PRSS48: variants seen among roughly 807,000 people sequenced by gnomAD.
The protein encoded by PRSS48 is serine protease 48, also known as epidermis-specific serine protease-like protein.
Under a neutral mutation model 25.6 loss-of-function variants are expected in PRSS48, and 21 were observed. The ratio of observed to expected loss-of-function variants is 0.82; its 90% CI spans 0.58 to 1.18. PRSS48 has a LOEUF of 1.18. Among genes scored for constraint, PRSS48 ranks in the 50% most tolerant of loss-of-function variants. PRSS48 has a pLI of 0.00. For missense variants in PRSS48, 373 were observed against 399.3 expected (o/e 0.93, Z 0.56); for synonymous variants, 150 against 149.3 (o/e 1.00, Z -0.04).
At chr4:151,277,910 G>A (rs1289848996) in intron 1 of PRSS48, among the ~76,000 whole-genome samples, 6 of 152,074 alleles carry the variant, frequency 3.9e-5, no homozygotes, top group South Asian at 2.1e-4. Flanking sequence ...GCGTGGTGGC[G>A]GGCACCTGTA....
chr4:151,285,436 AG>A (rs1308105158), intron 4 of PRSS48, among the ~76,000 whole-genome samples: 1 of 152,250 alleles, frequency 6.6e-6, no homozygotes, highest in African/African-American at 2.4e-5. Context: ...TGAAATTAGA[AG>A]TAAATAAGAG....
At position 151,287,107 on chromosome 4, in the gene PRSS48, G is replaced by A. The variant is rs576411100; in HGVS notation, c.651+3821G>A. On this transcript the variant is annotated intron_variant, in intron 4 of 4. Transcript: ENST00000455694. ...TGTAATCCCAGCACTTTGGGAGGCC[G>A]AGGCAGGCAGATCACCTGATGTCAG... is the stretch of plus-strand genomic sequence containing the variant. Among the ~76,000 whole-genome samples, 63 of 151,456 alleles carry A rather than the reference G, an allele frequency of 4.2e-4. 1 individual carries two copies. Among genetic ancestry groups the A allele is most frequent in the Non-Finnish European group, 8.8e-4 (60 of 67,838 alleles).
rs776518065 is a variant in PRSS48, at chr4:151,279,929, GAT to G, written c.188_189del (p.Ile63ThrfsTer27). ...GAGGTTCCCTCGTCAGTGAGAGGTT[GAT>G]ACTGACAGCAGCACACTGCATACAA... On this transcript the variant is annotated frameshift_variant, in exon 2 of 5. Transcript: ENST00000455694. LOFTEE classifies it high-confidence loss of function. 1.8e-5 allele frequency: 29 copies of G among 1,613,444 alleles called. No homozygotes were observed. In the East Asian group the frequency reaches 6.2e-4, roughly 35 times the overall value.
At chr4:151,279,238 C>CG in intron 1 of PRSS48, 1 of 200,776 alleles carries the variant, frequency 5.0e-6, no homozygotes, top group Non-Finnish European at 1.0e-5. Flanking sequence ...TTTTCTTTTT[C>CG]AATTTTTTTT....
chr4:151,286,112 T>TC (rs1179296969), intron 4 of PRSS48, among the ~76,000 whole-genome samples: 1 of 141,924 alleles, frequency 7.0e-6, no homozygotes, highest in African/African-American at 2.6e-5. Context: ...GCCCAGGAGT[T>TC]CAAGGCTGCA....
intron 2 of PRSS48, among the ~76,000 whole-genome samples, chr4:151,281,107 C>CA (rs1413923762): frequency 1.4e-5 from 2 of 138,530 alleles, no homozygotes; most frequent in East Asian, 4.2e-4. Context: ...AAGAAAGTGC[C>CA]AAGATGATGG....
At chr4:151,278,035 C>T (rs1381974295) in intron 1 of PRSS48, among the ~76,000 whole-genome samples, 5 of 151,282 alleles carry the variant, frequency 3.3e-5, no homozygotes, top group East Asian at 1.9e-4. Context: ...AGTAAGACCC[C>T]GTCCCCCCAA....
chr4:151,277,577 G>T (rs1023200739), intron 1 of PRSS48, among the ~76,000 whole-genome samples: 2 of 152,134 alleles, frequency 1.3e-5, no homozygotes, highest in Admixed American at 6.5e-5. Context: ...GTTAAAGAAG[G>T]CCTCACTAAG....
chr4:151,287,129 T>G (rs1449372953), intron 4 of PRSS48, among the ~76,000 whole-genome samples: 3 of 151,558 alleles, frequency 2.0e-5, no homozygotes, highest in Non-Finnish European at 4.4e-5. Flanking sequence ...TCACCTGATG[T>G]CAGGAGTTTG....
chr4:151,281,352 A>T (rs1356647749), intron 2 of PRSS48, among the ~76,000 whole-genome samples: 2 of 152,220 alleles, frequency 1.3e-5, no homozygotes, highest in Admixed American at 1.3e-4. Flanking sequence ...ACCCAATAGG[A>T]CCCAGTAGTG....
chr4:151,281,072 A>G (rs1306776543), intron 2 of PRSS48, among the ~76,000 whole-genome samples: 5 of 152,180 alleles, frequency 3.3e-5, no homozygotes, highest in Non-Finnish European at 1.5e-5. Context: ...ACAGAAGAGA[A>G]TCCCTAAGAA....
intron 4 of PRSS48, among the ~76,000 whole-genome samples, chr4:151,290,711 A>G (rs1775238695): frequency 6.6e-6 from 1 of 152,218 alleles, no homozygotes; most frequent in Non-Finnish European, 1.5e-5. Flanking sequence ...AAGAAAGAGA[A>G]CAAGACTAGA....
At chr4:151,279,378 T>C (rs1224827235) in intron 1 of PRSS48, among the ~76,000 whole-genome samples, 3 of 152,172 alleles carry the variant, frequency 2.0e-5, no homozygotes, top group African/African-American at 4.8e-5. Flanking sequence ...TTAAATGATA[T>C]TCCATGTGTG....
exon 4 of PRSS48, chr4:151,283,257 G>A: frequency 6.2e-7 from 1 of 1,613,708 alleles, no homozygotes; most frequent in Non-Finnish European, 8.5e-7. Context: ...TTGTGCTGGT[G>A]ATACTCAAAA....
intron 1 of PRSS48, among the ~76,000 whole-genome samples, chr4:151,279,462 C>T (rs1212692874): frequency 2.0e-5 from 3 of 152,158 alleles, no homozygotes; most frequent in African/African-American, 7.2e-5. Context: ...AAATTTTGGC[C>T]TTTAACACCA....
At chr4:151,286,718 A>AC (rs1774826138) in intron 4 of PRSS48, among the ~76,000 whole-genome samples, 1 of 151,742 alleles carries the variant, frequency 6.6e-6, no homozygotes, top group Non-Finnish European at 1.5e-5. Flanking sequence ...AGTGGCTCAT[A>AC]CCTGTAACCC....
chr4:151,287,724 G>A (rs1774950844), intron 4 of PRSS48, among the ~76,000 whole-genome samples: 2 of 152,032 alleles, frequency 1.3e-5, no homozygotes, highest in Non-Finnish European at 2.9e-5. Flanking sequence ...GTGAGACCTC[G>A]TTTCTACAAA....
At chr4:151,283,354 C>A in intron 4 of PRSS48, 68 bp downstream of exon 4, 1 of 1,448,348 alleles carries the variant, frequency 6.9e-7, no homozygotes, top group Non-Finnish European at 9.6e-7. Flanking sequence ...GTTTTCCTAT[C>A]TGTAAATAAC....
rs1298885630 is a variant in PRSS48 at position 151,279,865 on chromosome 4, G to A, written c.122G>A (p.Trp41Ter). The change falls in exon 2 of 5, where the codon TGG (tryptophan) becomes TAG (stop). Residue 41 changes from tryptophan to a stop codon, truncating the protein, a stop_gained. Transcript: ENST00000455694. LOFTEE classifies it high-confidence loss of function. ...GATGCTGCTGCAGGGCGCTGGCCTT[G>A]GCAGGTCAGCCTACACTTTGACCAC... 6.3e-7 allele frequency: 1 copy of A among 1,595,400 alleles called. No homozygotes were observed. Among genetic ancestry groups the A allele is most frequent in the Admixed American group, 1.7e-5 (1 of 58,770 alleles).
Sources: allele counts gnomAD v4.1 joint callset (sites outside exome capture counted in the v4.1 genomes callset), GRCh38; gene constraint gnomAD v4.1.1; transcripts MANE v1.5; gene names NCBI Gene and HGNC (gene_info 2026-07-23, HGNC 2026-07-21).